The following INPPL1 variants were observed in gnomAD, a reference collection of about 807,000 sequenced individuals.
The protein encoded by INPPL1 is inositol polyphosphate phosphatase like 1, also known as phosphatidylinositol 3,4,5-trisphosphate 5-phosphatase 2.
INPPL1 carries 91 observed loss-of-function variants against 139.3 expected under a neutral mutation model. The observed-to-expected ratio is 0.65, with a 90% CI of 0.55 to 0.78. The LOEUF (loss-of-function observed/expected upper bound fraction) is 0.78, where lower values mean the gene tolerates loss of function less well. INPPL1 is among the 30% of genes least tolerant of loss of function. The pLI, the probability that INPPL1 is intolerant of heterozygous loss-of-function variation, is 0.00. For synonymous variants in INPPL1, 719 were observed against 686.6 expected (o/e 1.05, Z -0.74); for missense variants, 1,411 against 1,665.6 (o/e 0.85, Z 2.66).
rs1180828328 is a variant in INPPL1 at position 72,228,345 on chromosome 11, C to T, written c.247-3C>T. The stretch of plus-strand genomic sequence containing the variant: ...CCTTCCTCCCACCCTTGCTGGCCCA[C>T]AGACCTCGCAGGGTGTGCCTGTGCG... On this transcript the variant is annotated splice_polypyrimidine_tract_variant and splice_region_variant and intron_variant, in intron 2 of 27. Coordinates refer to ENST00000298229, the MANE Select transcript of INPPL1 (RefSeq NM_001567.4). This position sits in a 1 kb window ranked among gnomAD's most constrained non-coding sequence, Gnocchi z 5.0. 3.1e-6 allele frequency: 5 copies of T among 1,613,660 alleles called. No individual in the cohort carries two copies. Among genetic ancestry groups the T allele is most frequent in the South Asian group, 2.2e-5 (2 of 91,088 alleles).
chr11:72,232,496 C>A (rs559008626), intron 14 of INPPL1, 130 bp from the exon 15 acceptor site: 12 of 1,310,588 alleles, frequency 9.2e-6, no homozygotes, highest in Admixed American at 2.1e-5. Flanking sequence ...CTGACCCTAA[C>A]CTTGTCCCCA....
Position 72,229,715 on chromosome 11 carries a change from C to T in INPPL1, c.806C>T (p.Ser269Leu), listed in dbSNP as rs371206323. The T allele has an allele frequency of 2.5e-6, 4 of 1,613,938 alleles. No individual in the cohort carries two copies. In the African/African-American group the frequency reaches 5.3e-5, roughly 22 times the overall value. ...QELESLVLKL[S>L]VLKDFLSGIQ... Reference sequence around the variant, plus strand: ...CTAGAGAGCCTGGTGCTGAAGCTGTCAGTGCTAAAGGACTTCCTGTCAGGC... The same window carrying T: ...CTAGAGAGCCTGGTGCTGAAGCTGTTAGTGCTAAAGGACTTCCTGTCAGGC... The change falls in exon 7 of 28, where the codon TCA becomes TTA. Residue 269 changes from serine (S) to leucine (L), a missense_variant. Transcript: ENST00000298229.
chr11:72,228,733 A>G lies in INPPL1; in HGVS notation c.404A>G (p.Glu135Gly). 6.2e-7 allele frequency: 1 copy of G among 1,608,148 alleles called. No individual in the cohort carries two copies. Residue 135 changes from glutamate to glycine, a missense_variant, in exon 4 of 28, where the codon GAG (glutamate) becomes GGG (glycine). Glu to Gly is a moderately conservative substitution (Grantham distance 98, BLOSUM62 -2). Coordinates refer to ENST00000298229, the MANE Select transcript of INPPL1 (RefSeq NM_001567.4). The surrounding 1 kb of genome is among the most constrained non-coding windows in gnomAD (Gnocchi z 5.0). ...CACTGACCCCTGCCCACAGATGGGG[A>G]GGATGAGAAGCCCCCGCTGCCCCCG... ...PPDDRDASDGEDEKPPLPPRS... is the reference protein window; with the variant it reads ...PPDDRDASDGGDEKPPLPPRS...
chr11:72,227,315 G>A (rs1948701764), intron 1 of INPPL1, among the ~76,000 whole-genome samples: 1 of 152,186 alleles, frequency 6.6e-6, no homozygotes, highest in Non-Finnish European at 1.5e-5. Flanking sequence ...AGAAGTGTGA[G>A]AATTAAGTAA....
In INPPL1 at chr11:72,238,479, T is replaced by A. The variant is rs1221778270; in HGVS notation, c.*126T>A. The A allele has an allele frequency of 1.4e-6, 1 of 716,090 alleles. No homozygotes were observed. The highest frequency in any genetic ancestry group is 2.2e-6 in the Non-Finnish European group (1 of 464,682). 44.4% of individuals were successfully genotyped at this position (716,090 alleles called of 1,614,324 possible). On this transcript the variant is annotated 3_prime_UTR_variant, in exon 28 of 28. Coordinates refer to ENST00000298229, the MANE Select transcript of INPPL1 (RefSeq NM_001567.4). ...CTCTCTGCCTATTTATTGGGGTGCC[T>A]ATTTATTGGGGATCTGCATTCCCCG...
rs1441314714 is a variant in INPPL1, at chr11:72,237,557, C to A, written c.3313C>A (p.Pro1105Thr). 7 of 1,598,776 alleles carry A rather than the reference C, an allele frequency of 4.4e-6. No homozygotes were observed. Among genetic ancestry groups the A allele is most frequent in the Non-Finnish European group, 6.0e-6 (7 of 1,170,160 alleles). Reference sequence around the variant, plus strand: ...GCCTCCACTGCCCCCAGGCCCCTCACCAGCCAGCACTTTCCTGGGGGAAGT... The same window carrying A: ...GCCTCCACTGCCCCCAGGCCCCTCAACAGCCAGCACTTTCCTGGGGGAAGT... ...PRPPLPPGPS[P>T]ASTFLGEVAS... Residue 1105 changes from proline (P) to threonine (T), a missense_variant, in exon 26 of 28, where the codon CCA becomes ACA. Transcript: ENST00000298229.
In INPPL1 at chr11:72,234,715, CAGAG is replaced by C. The variant is rs539009625; in HGVS notation, c.2415+115_2415+118del. On this transcript the variant is annotated intron_variant, in intron 21 of 27. Transcript: ENST00000298229. The surrounding 1 kb of genome is among the most constrained non-coding windows in gnomAD (Gnocchi z 4.2). ...TGCCTGGGAGGGAGTGTGGGGCCAG[CAGAG>C]AGAGAGAGAGAGAGTGTGTGTGTGT... 8.1e-4 allele frequency: 495 copies of C among 613,468 alleles called. No homozygotes were observed. The highest frequency in any genetic ancestry group is 1.7e-3 in the Admixed American group (66 of 37,842). 38.0% of individuals were successfully genotyped at this position (613,468 alleles called of 1,614,324 possible). A position where few individuals can be genotyped will look rare whatever the true frequency, so the allele number is the denominator to read the frequency against.
In INPPL1 at chr11:72,235,826, C is replaced by G. The variant is rs200663371; in HGVS notation, c.2739-20C>G. The G allele has an allele frequency of 7.0e-5, 113 of 1,612,708 alleles. No homozygotes were observed. Among genetic ancestry groups the G allele is most frequent in the Non-Finnish European group, 9.4e-5 (111 of 1,179,450 alleles). ...ATCTGGTCAACCCCACTTCATCTCT[C>G]TCCTGTGCATCCCTGGCAGGTCAGG... On this transcript the variant is annotated intron_variant, in intron 24 of 27. Transcript: ENST00000298229. The surrounding 1 kb of genome is among the most constrained non-coding windows in gnomAD (Gnocchi z 4.9).
At position 72,233,692 on chromosome 11, in the gene INPPL1, C is replaced by T. The variant is rs139798970; in HGVS notation, c.2160C>T (p.Pro720=). ...ACATCGTCACCAGCGACCATTCCCC[C>T]GTGTTTGGGACATTTGAGGTTGGAG... is the stretch of plus-strand genomic sequence containing the variant. ...TDDIVTSDHS[P]VFGTFEVGVT... Residue 720 remains proline, a synonymous_variant, in exon 19 of 28, where the codon CCC becomes CCT. Transcript: ENST00000298229. 18 of 1,614,054 alleles carry T rather than the reference C, an allele frequency of 1.1e-5. No individual in the cohort carries two copies. Among genetic ancestry groups the T allele is most frequent in the East Asian group, 6.7e-5 (3 of 44,894 alleles).
intron 1 of INPPL1, chr11:72,225,464 C>G: frequency 1.0e-6 from 1 of 985,384 alleles, no homozygotes; most frequent in Non-Finnish European, 1.2e-6. Flanking sequence ...CTTCAGGCAT[C>G]CTCCAGGTAG....
chr11:72,237,999 A>G lies in INPPL1; in HGVS notation c.3553-43A>G, dbSNP rs201851301. 1,296 of 1,510,224 alleles carry G rather than the reference A, an allele frequency of 8.6e-4. 2 individuals are homozygous for G. The highest frequency in any genetic ancestry group is 3.4e-3 in the Middle Eastern group (14 of 4,156). 93.6% of individuals were successfully genotyped at this position (1,510,224 alleles called of 1,614,324 possible). On this transcript the variant is annotated intron_variant, in intron 26 of 27. Transcript: ENST00000298229. ...GCAGAATGTGACTGCAGGTGTTTCT[A>G]TGGGGGGCACTCAGCTCCCCCTGAC... is the stretch of plus-strand genomic sequence containing the variant.
rs1198696815 is a variant in INPPL1 at position 72,231,182 on chromosome 11, A to C, written c.1490A>C (p.Tyr497Ser). The C allele has an allele frequency of 6.2e-7, 1 of 1,611,220 alleles. No individual in the cohort carries two copies. The highest frequency in any genetic ancestry group is 1.7e-5 in the Admixed American group (1 of 59,884). Residue 497 changes from tyrosine (Y) to serine (S), a missense_variant, in exon 12 of 28, where the codon TAC becomes TCC. This residue lies in a region of INPPL1 where 363 missense variants were observed against 446.2 expected (regional missense o/e 0.81). Transcript: ENST00000298229. ...GGLKELTDLDYRPIAMQSLWN... is the reference protein window; with the variant it reads ...GGLKELTDLDSRPIAMQSLWN... The stretch of plus-strand genomic sequence containing the variant: ...CTCAAGGAGCTTACGGATCTGGATT[A>C]CCGCCCGGTGAGGGGGGGTCATCTT...
chr11:72,231,375 G>C, intron 12 of INPPL1, 123 bp from the exon 13 acceptor site: 1 of 947,548 alleles, frequency 1.1e-6, no homozygotes, highest in Non-Finnish European at 1.7e-6. Context: ...TCTCCAGTCC[G>C]TCAGGAAGAG....
chr11:72,228,855 C>T lies in INPPL1; in HGVS notation c.518+8C>T. ...AGCTCCAGCTGCTGAGAGGTGAGAC[C>T]CCCATCCCATCCACTGAACAGGAGA... is the stretch of plus-strand genomic sequence containing the variant. On this transcript the variant is annotated splice_region_variant and intron_variant, in intron 4 of 27. Transcript: ENST00000298229. This position sits in a 1 kb window ranked among gnomAD's most constrained non-coding sequence, Gnocchi z 5.0. 1 of 1,582,204 alleles carries T rather than the reference C, an allele frequency of 6.3e-7. No individual in the cohort carries two copies. Among genetic ancestry groups the T allele is most frequent in the Non-Finnish European group, 8.6e-7 (1 of 1,166,396 alleles).
In INPPL1 at chr11:72,230,902, A is replaced by T; in HGVS notation, c.1300+4A>T. Reference sequence around the variant, plus strand: ...TTCATAGGCACCTGGAACATGGGTCAGGCCCGGGCTGGGGCTGGGGCGGGA... The same window carrying T: ...TTCATAGGCACCTGGAACATGGGTCTGGCCCGGGCTGGGGCTGGGGCGGGA... On this transcript the variant is annotated splice_donor_region_variant and intron_variant, in intron 11 of 27. Coordinates refer to ENST00000298229, the MANE Select transcript of INPPL1 (RefSeq NM_001567.4). The T allele has an allele frequency of 6.2e-7, 1 of 1,613,962 alleles. No individual in the cohort carries two copies. The highest frequency in any genetic ancestry group is 1.7e-5 in the Admixed American group (1 of 60,010).
intron 10 of INPPL1, 113 bp downstream of exon 10, chr11:72,230,581 G>T: frequency 9.3e-7 from 1 of 1,076,122 alleles, no homozygotes; most frequent in Non-Finnish European, 1.4e-6. Flanking sequence ...ATCCCTCCTG[G>T]CAGGGGTAGG....
chr11:72,226,241 T>C (rs1464935658), intron 1 of INPPL1, among the ~76,000 whole-genome samples: 2 of 148,864 alleles, frequency 1.3e-5, no homozygotes, highest in African/African-American at 5.0e-5. Context: ...AGTGCAGTAG[T>C]GCAATCTCGG....
Position 72,235,076 on chromosome 11 carries a change from G to A in INPPL1, c.2416-40G>A, listed in dbSNP as rs369258855. ...GCGCGTAGGAGGGGCAGGAGGAAGT[G>A]GCGGGGCTTTGTTCCTCACTGGGCC... On this transcript the variant is annotated intron_variant, in intron 21 of 27. Transcript: ENST00000298229. This position sits in a 1 kb window ranked among gnomAD's most constrained non-coding sequence, Gnocchi z 4.9. 11 of 1,531,312 alleles carry A rather than the reference G, an allele frequency of 7.2e-6. No homozygotes were observed. Among genetic ancestry groups the A allele is most frequent in the East Asian group, 6.8e-5 (3 of 43,916 alleles). The allele number at this position is 1,531,312 out of a possible 1,614,324, so 94.9% of individuals were successfully genotyped here.
intron 19 of INPPL1, 62 bp downstream of exon 19, chr11:72,233,806 C>G (rs183127059): frequency 7.4e-7 from 1 of 1,342,840 alleles, no homozygotes; most frequent in South Asian, 1.2e-5. Flanking sequence ...GTGGTGGCCT[C>G]GGGATGTACA....
Sources: gnomAD v4.1 joint callset for allele counts (sites outside exome capture counted in the v4.1 genomes callset) on GRCh38, gnomAD v4.1.1 for gene constraint, gnomAD v4.1.1 regional missense constraint, Gnocchi (gnomAD v3.1) non-coding constraint, MANE v1.5 for transcripts, NCBI Gene and HGNC (gene_info 2026-07-23, HGNC 2026-07-21) for gene names.